Variants in ZNF682 observed in about 807,000 individuals in gnomAD.
ZNF682 encodes the protein zinc finger protein 682.
A neutral mutation model predicts 36.5 loss-of-function variants in ZNF682; 29 were observed. The observed-to-expected ratio is 0.80, with a 90% CI of 0.59 to 1.08. The LOEUF (loss-of-function observed/expected upper bound fraction) is 1.08. ZNF682 is among the 50% of genes least tolerant of loss of function. The probability of loss-of-function intolerance (pLI) is 0.00; values close to 1 mark genes in which losing one functional copy is unlikely to be tolerated. For synonymous variants in ZNF682, 180 were observed against 197.0 expected (o/e 0.91, Z 0.72); for missense variants, 561 against 579.7 (o/e 0.97, Z 0.33).
chr19:20,026,978 G>A (rs937981511), intron 1 of ZNF682, among the ~76,000 whole-genome samples: 1 of 152,170 alleles, frequency 6.6e-6, no homozygotes, highest in Admixed American at 6.5e-5. Flanking sequence ...GGTTAGGTAG[G>A]AACATCAGAA....
chr19:20,013,007 TC>T (rs1381945321), intron 3 of ZNF682, among the ~76,000 whole-genome samples: 1 of 151,858 alleles, frequency 6.6e-6, no homozygotes, highest in Non-Finnish European at 1.5e-5. Flanking sequence ...GGAATAAACT[TC>T]CCAATCGAAA....
At chr19:20,017,520 A>G (rs371426581) in intron 3 of ZNF682, among the ~76,000 whole-genome samples, 1 of 152,180 alleles carries the variant, frequency 6.6e-6, no homozygotes, top group Non-Finnish European at 1.5e-5. Context: ...AACACATATA[A>G]CTGTTATATA....
At chr19:20,032,248 C>T (rs1237113582) in intron 1 of ZNF682, among the ~76,000 whole-genome samples, 1 of 152,174 alleles carries the variant, frequency 6.6e-6, no homozygotes, top group Non-Finnish European at 1.5e-5. Flanking sequence ...GCCCTTTGCA[C>T]ATTCTCAGGC....
chr19:20,021,978 C>T (rs2088387943), intron 3 of ZNF682, among the ~76,000 whole-genome samples: 1 of 151,670 alleles, frequency 6.6e-6, no homozygotes, highest in South Asian at 2.1e-4. Context: ...CCAAATCAAC[C>T]TGGCCAACAT....
At chr19:20,007,551 G>T (rs1051389695) in intron 3 of ZNF682, 2 of 359,822 alleles carry the variant, frequency 5.6e-6, no homozygotes, top group East Asian at 1.0e-4. Flanking sequence ...ACCAGGACTG[G>T]CTCGTAGATC....
At chr19:20,014,035 TACA>T (rs2088313093) in intron 3 of ZNF682, among the ~76,000 whole-genome samples, 1 of 152,242 alleles carries the variant, frequency 6.6e-6, no homozygotes, top group African/African-American at 2.4e-5. Flanking sequence ...ATTAATACTG[TACA>T]ACATCTTTAC....
At chr19:19,998,024 G>T (rs1322653390) in intron 3 of ZNF682, among the ~76,000 whole-genome samples, 1 of 152,096 alleles carries the variant, frequency 6.6e-6, no homozygotes, top group Admixed American at 6.6e-5. Flanking sequence ...ATTCCCCCAT[G>T]CATTCACTTA....
Position 20,005,962 on chromosome 19 carries a change from C to A in ZNF682, c.*43G>T. The A allele has an allele frequency of 6.6e-7, 1 of 1,522,002 alleles. No homozygotes were observed. Among genetic ancestry groups the A allele is most frequent in the Non-Finnish European group, 8.8e-7 (1 of 1,132,084 alleles). 94.3% of individuals were successfully genotyped at this position (1,522,002 alleles called of 1,614,324 possible). On this transcript the variant is annotated 3_prime_UTR_variant, in exon 4 of 4. Coordinates refer to ENST00000397165, the MANE Select transcript of ZNF682 (RefSeq NM_033196.3). ...CCTTGAGCAAGATTTATGGAATTTG[C>A]CACATTCTTTACATTTGTAGGATTT...
intron 3 of ZNF682, chr19:19,997,280 C>G (rs2088133662): frequency 2.5e-6 from 1 of 398,468 alleles, no homozygotes; most frequent in South Asian, 1.3e-4. Flanking sequence ...TGGAAATGAG[C>G]TATGTCCCCA....
chr19:20,034,519 C>T (rs745318901), intron 1 of ZNF682, among the ~76,000 whole-genome samples: 1 of 152,178 alleles, frequency 6.6e-6, no homozygotes, highest in Non-Finnish European at 1.5e-5. Flanking sequence ...TGACTCACGC[C>T]TGTAATCCCA....
intron 3 of ZNF682, among the ~76,000 whole-genome samples, chr19:20,008,695 T>C (rs1416246342): frequency 6.6e-6 from 1 of 152,096 alleles, no homozygotes; most frequent in Non-Finnish European, 1.5e-5. Flanking sequence ...AAGCCCTCCT[T>C]GGAGCAAAGG....
At chr19:20,025,769 G>A (rs1156442165) in intron 1 of ZNF682, among the ~76,000 whole-genome samples, 5 of 151,058 alleles carry the variant, frequency 3.3e-5, no homozygotes, top group Non-Finnish European at 7.4e-5. Flanking sequence ...ACAATCATCA[G>A]AGCTATGATA....
At chr19:20,037,874 G>C (rs147753655) in intron 1 of ZNF682, among the ~76,000 whole-genome samples, 167 of 152,338 alleles carry the variant, frequency 1.1e-3, no homozygotes, top group African/African-American at 3.8e-3. Context: ...TAATGGATTT[G>C]CTTTCAGAGG....
At chr19:20,023,398 G>A (rs970930369) in intron 2 of ZNF682, among the ~76,000 whole-genome samples, 8 of 151,960 alleles carry the variant, frequency 5.3e-5, no homozygotes, top group African/African-American at 1.9e-4. Context: ...TTGGGAGGCT[G>A]AGGGAGGAGA....
intron 1 of ZNF682, chr19:20,030,984 C>T (rs1346960437): frequency 6.6e-6 from 1 of 152,208 alleles, no homozygotes; most frequent in African/African-American, 2.4e-5. Flanking sequence ...ACCCTCTTGT[C>T]AGCCTCACCC....
chr19:20,005,776 A>G lies in ZNF682; in HGVS notation c.*229T>C. ...CAAAACCTCTGATGAGTAAGTTCATAGTAGTTATTAAATGCTTTGCCACAT... is the reference window on the plus strand; with the variant it reads ...CAAAACCTCTGATGAGTAAGTTCATGGTAGTTATTAAATGCTTTGCCACAT... On this transcript the variant is annotated 3_prime_UTR_variant, in exon 4 of 4. Coordinates refer to ENST00000397165, the MANE Select transcript of ZNF682 (RefSeq NM_033196.3). The G allele has an allele frequency of 3.7e-6, 2 of 535,110 alleles. No individual in the cohort carries two copies. The highest frequency in any genetic ancestry group is 3.3e-6 in the Non-Finnish European group (1 of 306,178). The allele number at this position is 535,110 out of a possible 1,614,324, so 33.1% of individuals were successfully genotyped here.
At chr19:20,028,213 G>GGTTTGTTTTTTT (rs1555787716) in intron 1 of ZNF682, among the ~76,000 whole-genome samples, 2 of 151,398 alleles carry the variant, frequency 1.3e-5, no homozygotes, top group Non-Finnish European at 2.9e-5. Flanking sequence ...TGATTCTGCA[G>GGTTTGTTTTTTT]GTTTGTTTGT....
intron 3 of ZNF682, among the ~76,000 whole-genome samples, chr19:20,012,575 GGCTA>G (rs903734845): frequency 1.3e-5 from 2 of 152,014 alleles, no homozygotes; most frequent in African/African-American, 4.8e-5. Flanking sequence ...AGACCATCCT[GGCTA>G]ACACGGTGAA....
intron 1 of ZNF682, among the ~76,000 whole-genome samples, chr19:20,031,743 C>T (rs545888224): frequency 1.3e-5 from 2 of 152,220 alleles, no homozygotes; most frequent in African/African-American, 4.8e-5. Context: ...GAGATCAAGA[C>T]CATCCTGGCT....
Sources: gnomAD v4.1 joint callset for allele counts (sites outside exome capture counted in the v4.1 genomes callset) on GRCh38, gnomAD v4.1.1 for gene constraint, MANE v1.5 for transcripts, NCBI Gene and HGNC (gene_info 2026-07-23, HGNC 2026-07-21) for gene names.